The following IFT56 variants were observed in gnomAD, a reference collection of about 807,000 sequenced individuals.
The protein encoded by IFT56 is intraflagellar transport protein 56.
the IFT56 span, among the ~76,000 whole-genome samples, chr7:139,157,157 T>TG: frequency 7.9e-6 from 1 of 126,324 alleles, no homozygotes; most frequent in Non-Finnish European, 1.6e-5. Flanking sequence ...TTTTTTTTTT[T>TG]TTTTTTGAGA....
chr7:139,187,515 T>A, the IFT56 span: 1 of 1,614,196 alleles, frequency 6.2e-7, no homozygotes, highest in Non-Finnish European at 8.5e-7. Context: ...ATTTTCCAGA[T>A]GATCATAGCT....
At chr7:139,173,672 T>C in the IFT56 span, 1 of 773,700 alleles carries the variant, frequency 1.3e-6, no homozygotes, top group South Asian at 1.3e-5. Flanking sequence ...CACGTTCATA[T>C]TGGCATGTGG....
chr7:139,190,232 T>C, the IFT56 span: 1 of 151,580 alleles, frequency 6.6e-6, no homozygotes, highest in Admixed American at 6.6e-5. Context: ...GTTTTTGTTG[T>C]TGTTGTTGTT....
the IFT56 span, chr7:139,134,841 G>A: frequency 6.3e-7 from 1 of 1,584,536 alleles, no homozygotes; most frequent in East Asian, 2.2e-5. Flanking sequence ...CCAGACTGTA[G>A]ATGAATGCTT....
At chr7:139,179,610 G>T in the IFT56 span, 1 of 1,614,026 alleles carries the variant, frequency 6.2e-7, no homozygotes, top group Non-Finnish European at 8.5e-7. Flanking sequence ...GATGAAAAAT[G>T]ATTACATTTA....
the IFT56 span, among the ~76,000 whole-genome samples, chr7:139,188,019 T>C: frequency 6.6e-6 from 1 of 151,932 alleles, no homozygotes; most frequent in Admixed American, 6.6e-5. Context: ...CACCTTCTCA[T>C]ATTCTAGGAA....
the IFT56 span, among the ~76,000 whole-genome samples, chr7:139,167,328 A>G: frequency 9.2e-5 from 14 of 152,368 alleles, no homozygotes; most frequent in East Asian, 2.5e-3. Flanking sequence ...TAAAGTATAT[A>G]GTAAACATTC....
At chr7:139,134,646 C>T in the IFT56 span, 1 of 1,601,112 alleles carries the variant, frequency 6.2e-7, no homozygotes, top group East Asian at 2.2e-5. Flanking sequence ...GTCTTTGTTT[C>T]TTTTACAGAT....
chr7:139,173,152 G>A, the IFT56 span: 1 of 659,432 alleles, frequency 1.5e-6, no homozygotes. Context: ...CAGGCTGGGA[G>A]AGAGTTCCTC....
the IFT56 span, among the ~76,000 whole-genome samples, chr7:139,180,816 A>T: frequency 6.6e-6 from 1 of 152,216 alleles, no homozygotes. Flanking sequence ...AATGAATGAT[A>T]GGTATCCTCT....
the IFT56 span, among the ~76,000 whole-genome samples, chr7:139,177,902 G>T: frequency 6.6e-6 from 1 of 152,094 alleles, no homozygotes; most frequent in Non-Finnish European, 1.5e-5. Flanking sequence ...CTAATTGAAT[G>T]TGCACATGTT....
At chr7:139,180,669 A>G in the IFT56 span, among the ~76,000 whole-genome samples, 171 of 151,978 alleles carry the variant, frequency 1.1e-3, no homozygotes, top group Non-Finnish European at 1.7e-3. Flanking sequence ...AGATCGCACC[A>G]CTGCACTCCA....
At chr7:139,162,103 G>A in the IFT56 span, among the ~76,000 whole-genome samples, 1 of 152,154 alleles carries the variant, frequency 6.6e-6, no homozygotes, top group Non-Finnish European at 1.5e-5. Context: ...AACAGCATCT[G>A]TATTTATGGG....
the IFT56 span, chr7:139,148,450 G>A: frequency 7.1e-7 from 1 of 1,409,872 alleles, no homozygotes; most frequent in Non-Finnish European, 9.8e-7. Flanking sequence ...AGTTATTCAT[G>A]AAACTCTGTT....
the IFT56 span, chr7:139,139,869 A>G: frequency 6.5e-6 from 10 of 1,532,024 alleles, no homozygotes; most frequent in East Asian, 2.0e-4. Context: ...AAATGAGATC[A>G]CTGCTTACTA....
the IFT56 span, among the ~76,000 whole-genome samples, chr7:139,163,566 G>C: frequency 4.6e-5 from 7 of 152,106 alleles, no homozygotes; most frequent in Admixed American, 4.6e-4. Context: ...TGAGAAGAAA[G>C]TAGAAGCAGT....
the IFT56 span, among the ~76,000 whole-genome samples, chr7:139,143,053 CA>C: frequency 6.6e-6 from 1 of 151,608 alleles, no homozygotes; most frequent in Admixed American, 6.6e-5. Flanking sequence ...AGCATTCCAC[CA>C]AATGCATCAT....
At chr7:139,168,811 A>T in the IFT56 span, among the ~76,000 whole-genome samples, 1 of 152,180 alleles carries the variant, frequency 6.6e-6, no homozygotes, top group Non-Finnish European at 1.5e-5. Context: ...ACTGTCTAAA[A>T]TTAAGCTCTT....
At chr7:139,175,902 T>C in the IFT56 span, among the ~76,000 whole-genome samples, 2 of 152,182 alleles carry the variant, frequency 1.3e-5, no homozygotes, top group African/African-American at 4.8e-5. Flanking sequence ...TGATTTCGGC[T>C]CACTGCAACC....
Sources: allele counts gnomAD v4.1 joint callset (sites outside exome capture counted in the v4.1 genomes callset), GRCh38; gene constraint gnomAD v4.1.1; transcripts MANE v1.5; gene names NCBI Gene and HGNC (gene_info 2026-07-23, HGNC 2026-07-21).